Variants in RBFOX1 observed in about 807,000 individuals in gnomAD.
RBFOX1 encodes the protein RNA binding fox-1 homolog 1.
In RBFOX1, 8 loss-of-function variants were observed where a neutral mutation model predicts 57.7. The ratio of observed to expected loss-of-function variants is 0.14; its 90% CI spans 0.08 to 0.25. The LOEUF is 0.25. Ranked by LOEUF, RBFOX1 falls within the 10% of genes least tolerant of loss-of-function variation. The pLI is 1.00. For missense variants in RBFOX1, 611 were observed against 548.5 expected (o/e 1.11, Z -1.14); for synonymous variants, 326 against 222.4 (o/e 1.47, Z -4.15).
intron 3 of RBFOX1, among the ~76,000 whole-genome samples, chr16:6,759,899 GC>G (rs1284000154): frequency 6.6e-6 from 1 of 152,108 alleles, no homozygotes; most frequent in Non-Finnish European, 1.5e-5. Context: ...ATGGTATAAG[GC>G]TACAGTGGAA....
At chr16:6,159,884 TC>T (rs2096865386) in intron 1 of RBFOX1, among the ~76,000 whole-genome samples, 1 of 97,552 alleles carries the variant, frequency 1.0e-5, no homozygotes, top group Non-Finnish European at 2.5e-5. Context: ...AATCAGTATC[TC>T]CTTAAATTTG....
chr16:5,357,222 C>G (rs1869106885), intron 1 of RBFOX1, among the ~76,000 whole-genome samples: 1 of 152,198 alleles, frequency 6.6e-6, no homozygotes, highest in Admixed American at 6.5e-5. Context: ...TTGCCACAGC[C>G]ATGTTTGTTC....
chr16:6,802,127 G>C (rs922344976), intron 3 of RBFOX1, among the ~76,000 whole-genome samples: 54 of 152,072 alleles, frequency 3.6e-4, no homozygotes, highest in African/African-American at 1.3e-3. Context: ...TCAGTATCTT[G>C]TCAGGATTTA....
chr16:7,508,179 G>GTT (rs1254164026), intron 4 of RBFOX1, among the ~76,000 whole-genome samples: 1 of 151,048 alleles, frequency 6.6e-6, no homozygotes, highest in Non-Finnish European at 1.5e-5. Flanking sequence ...TAGAGATGGA[G>GTT]TTTTAGCAGG....
intron 4 of RBFOX1, among the ~76,000 whole-genome samples, chr16:7,075,564 T>G (rs186173305): frequency 1.3e-5 from 2 of 149,196 alleles, no homozygotes; most frequent in African/African-American, 5.2e-5. Context: ...TTTCTTTTTA[T>G]TTTTTCTTTT....
At chr16:5,599,362 T>G (rs2047291762) in exon 3 of RBFOX1, 1 of 605,238 alleles carries the variant, frequency 1.7e-6, no homozygotes, top group South Asian at 2.0e-5. Flanking sequence ...CAGGAATGCT[T>G]ACTGAGTGCT....
chr16:6,726,014 C>T (rs2067090371), intron 3 of RBFOX1, among the ~76,000 whole-genome samples: 2 of 152,180 alleles, frequency 1.3e-5, no homozygotes, highest in African/African-American at 4.8e-5. Flanking sequence ...CATTGCAAAT[C>T]ACCCTTTCTG....
intron 1 of RBFOX1, among the ~76,000 whole-genome samples, chr16:6,281,447 T>G (rs1318458480): frequency 6.6e-6 from 1 of 152,118 alleles, no homozygotes; most frequent in Non-Finnish European, 1.5e-5. Context: ...GGTGAATCCC[T>G]AATTCAGAAA....
chr16:7,283,740 G>C (rs555238180), intron 4 of RBFOX1, among the ~76,000 whole-genome samples: 1 of 152,184 alleles, frequency 6.6e-6, no homozygotes, highest in African/African-American at 2.4e-5. Context: ...ATCTCTTCTG[G>C]ACTTGATCTA....
chr16:7,129,945 A>C (rs2069769500), intron 4 of RBFOX1, among the ~76,000 whole-genome samples: 1 of 152,054 alleles, frequency 6.6e-6, no homozygotes, highest in Admixed American at 6.6e-5. Context: ...TTCCTGCTTC[A>C]AATCTCATTT....
In RBFOX1 at chr16:7,602,491, A is replaced by C. The variant is rs966076235; in HGVS notation, c.623-4794A>C. ...CCTTGATCAAAATCTCTGAATTTGC[A>C]AGGCCTGGGGACATACACAAACTGC... On this transcript the variant is annotated intron_variant, in intron 9 of 15. Coordinates refer to ENST00000550418, the MANE Select transcript of RBFOX1 (RefSeq NM_018723.4). Among the ~76,000 whole-genome samples the C allele has an allele frequency of 3.9e-5, 6 of 152,184 alleles. No homozygotes were observed. The South Asian group carries it at 1.0e-3, about 26-fold the overall frequency.
At chr16:7,008,618 CT>C (rs1207774387) in intron 3 of RBFOX1, among the ~76,000 whole-genome samples, 1 of 140,150 alleles carries the variant, frequency 7.1e-6, no homozygotes, top group Admixed American at 7.1e-5. Flanking sequence ...ATGAAATTCC[CT>C]CCCTCCCTCC....
chr16:7,094,029 T>C (rs2061297276), intron 4 of RBFOX1, among the ~76,000 whole-genome samples: 1 of 151,022 alleles, frequency 6.6e-6, no homozygotes, highest in African/African-American at 2.4e-5. Flanking sequence ...AACATAGTAA[T>C]TGGTCAAGTG....
intron 4 of RBFOX1, among the ~76,000 whole-genome samples, chr16:7,281,211 C>G (rs2095537257): frequency 6.6e-6 from 1 of 151,846 alleles, no homozygotes; most frequent in South Asian, 2.1e-4. Context: ...CTGTGTTGGC[C>G]AAGCTGGTCT....
chr16:5,828,777 C>A (rs2056164782), intron 3 of RBFOX1, among the ~76,000 whole-genome samples: 1 of 152,074 alleles, frequency 6.6e-6, no homozygotes, highest in Non-Finnish European at 1.5e-5. Flanking sequence ...GTGTGGAGTG[C>A]TGGGCAAGGA....
At chr16:6,302,585 A>C (rs975316827) in intron 1 of RBFOX1, among the ~76,000 whole-genome samples, 1 of 152,208 alleles carries the variant, frequency 6.6e-6, no homozygotes, top group South Asian at 2.1e-4. Flanking sequence ...GCGTTGAACC[A>C]TATGTACACT....
intron 3 of RBFOX1, among the ~76,000 whole-genome samples, chr16:6,816,706 C>G (rs2090147403): frequency 1.3e-5 from 2 of 148,660 alleles, no homozygotes; most frequent in African/African-American, 2.5e-5. Flanking sequence ...CACCACTGCA[C>G]TCCAGCCTGG....
intron 5 of RBFOX1, among the ~76,000 whole-genome samples, chr16:7,573,041 T>C (rs138571861): frequency 3.4e-4 from 51 of 152,142 alleles, no homozygotes; most frequent in African/African-American, 1.2e-3. Context: ...AGAAGAGATG[T>C]ATGCTGTGAA....
chr16:6,492,423 C>A (rs2095654012), intron 2 of RBFOX1, among the ~76,000 whole-genome samples: 1 of 152,008 alleles, frequency 6.6e-6, no homozygotes. Flanking sequence ...CAAAAATTTG[C>A]CAGGCTTGGT....
Sources: gnomAD v4.1 joint callset for allele counts (sites outside exome capture counted in the v4.1 genomes callset) on GRCh38, gnomAD v4.1.1 for gene constraint, MANE v1.5 for transcripts, NCBI Gene and HGNC (gene_info 2026-07-23, HGNC 2026-07-21) for gene names.